The following ELOVL5 variants were observed in gnomAD, a reference collection of about 807,000 sequenced individuals.
The protein encoded by ELOVL5 is very long chain fatty acid elongase 5.
ELOVL5 carries 8 observed loss-of-function variants against 38.6 expected under a neutral mutation model. The observed-to-expected ratio is 0.21, with a 90% CI of 0.12 to 0.37. ELOVL5 has a LOEUF of 0.37. Ranked by LOEUF, ELOVL5 falls within the 10% of genes least tolerant of loss-of-function variation. ELOVL5 has a pLI of 1.00. For missense variants in ELOVL5, 280 were observed against 367.8 expected, an observed-to-expected ratio of 0.76 and a Z score of 1.95; for synonymous variants, 127 against 133.7, an observed-to-expected ratio of 0.95 and a Z score of 0.34.
chr6:53,320,544 C>G (rs896630790), intron 1 of ELOVL5, among the ~76,000 whole-genome samples: 2 of 151,900 alleles, frequency 1.3e-5, no homozygotes, highest in Non-Finnish European at 2.9e-5. Context: ...ACCATGGTCT[C>G]GATCTCCTGA....
intron 3 of ELOVL5, among the ~76,000 whole-genome samples, chr6:53,286,381 C>T (rs540581565): frequency 2.6e-5 from 4 of 152,034 alleles, no homozygotes; most frequent in Non-Finnish European, 4.4e-5. Flanking sequence ...CAGGCAACAC[C>T]GTGAGACAAT....
chr6:53,270,611 G>A lies in ELOVL5; in HGVS notation c.738C>T (p.Phe246=), dbSNP rs760178808. The A allele has an allele frequency of 1.2e-6, 2 of 1,614,172 alleles. No homozygotes were observed. Among genetic ancestry groups the A allele is most frequent in the South Asian group, 2.2e-5 (2 of 91,084 alleles). The change falls in exon 7 of 8, where the codon TTC becomes TTT. Residue 246 remains phenylalanine (F), a synonymous_variant. Coordinates refer to ENST00000304434, the MANE Select transcript of ELOVL5 (RefSeq NM_021814.5). ...IGYMISLIAL[F]TNFYIQTYNK... ...GATTTACCTGAATGTAGAAGTTTGT[G>A]AAGAGAGCAATCAGGGAAATCATGT... is the stretch of plus-strand genomic sequence containing the variant.
intron 1 of ELOVL5, among the ~76,000 whole-genome samples, chr6:53,319,296 A>G (rs1242926221): frequency 1.0e-3 from 48 of 47,844 alleles, no homozygotes; most frequent in Middle Eastern, 9.6e-3. Context: ...AAAAAAAAAA[A>G]AAAAAAAAAA....
intron 1 of ELOVL5, among the ~76,000 whole-genome samples, chr6:53,344,304 C>G (rs1769449415): frequency 6.6e-6 from 1 of 152,164 alleles, no homozygotes; most frequent in Non-Finnish European, 1.5e-5. Context: ...GTCTTCAAGT[C>G]TTATCCTGGA....
intron 7 of ELOVL5, 22 bp downstream of exon 7, chr6:53,270,571 C>A: frequency 6.2e-7 from 1 of 1,613,130 alleles, no homozygotes; most frequent in Non-Finnish European, 8.5e-7. Context: ...GATTCCAAGT[C>A]CCAGAGAAGG....
chr6:53,270,862 CT>C lies in ELOVL5; in HGVS notation c.622-136del, dbSNP rs374651702. On this transcript the variant is annotated intron_variant, in intron 6 of 7. Transcript: ENST00000304434. Reference sequence around the variant, plus strand: ...ACCCTTGCTGCAGGTACAGCAGTCACTTCATGAACACAACACATACACTATA... The same window carrying C: ...ACCCTTGCTGCAGGTACAGCAGTCACTCATGAACACAACACATACACTATA... 1.4e-4 allele frequency: 123 copies of C among 907,924 alleles called. 2 individuals are homozygous for C. In the African/African-American group the frequency reaches 1.8e-3, roughly 13 times the overall value. 56.2% of individuals were successfully genotyped at this position (907,924 alleles called of 1,614,324 possible). A position where few individuals can be genotyped will look rare whatever the true frequency, so the allele number is the denominator to read the frequency against.
At chr6:53,300,729 C>T (rs1377425771) in intron 1 of ELOVL5, among the ~76,000 whole-genome samples, 1 of 152,046 alleles carries the variant, frequency 6.6e-6, no homozygotes, top group Admixed American at 6.5e-5. Context: ...GGCCTTCTGT[C>T]CTCCACTCCG....
chr6:53,305,951 C>T (rs969684086), intron 1 of ELOVL5, among the ~76,000 whole-genome samples: 38 of 152,034 alleles, frequency 2.5e-4, no homozygotes, highest in African/African-American at 9.1e-4. Context: ...TCTGCAATCC[C>T]GGCACCTCGG....
At chr6:53,305,445 G>C (rs1479214514) in intron 1 of ELOVL5, among the ~76,000 whole-genome samples, 2 of 150,744 alleles carry the variant, frequency 1.3e-5, no homozygotes, top group Admixed American at 6.6e-5. Context: ...CTTCCCAGAC[G>C]GGGTGGCAGC....
chr6:53,324,192 G>A (rs1305657375), intron 1 of ELOVL5, among the ~76,000 whole-genome samples: 4 of 147,376 alleles, frequency 2.7e-5, no homozygotes, highest in Non-Finnish European at 3.0e-5. Flanking sequence ...GGCGGAGGTT[G>A]CAGTGAGCTG....
chr6:53,318,809 C>A (rs1013014877), intron 1 of ELOVL5, among the ~76,000 whole-genome samples: 3 of 152,144 alleles, frequency 2.0e-5, no homozygotes, highest in African/African-American at 7.2e-5. Context: ...CTAAAGCAGT[C>A]ATTTTCCTTT....
chr6:53,284,821 T>C (rs1459354144), intron 3 of ELOVL5, among the ~76,000 whole-genome samples: 1 of 152,156 alleles, frequency 6.6e-6, no homozygotes. Context: ...ATATCTGTTG[T>C]GGCGATCTGT....
chr6:53,340,831 G>A (rs372230988), intron 1 of ELOVL5, among the ~76,000 whole-genome samples: 1 of 152,130 alleles, frequency 6.6e-6, no homozygotes, highest in African/African-American at 2.4e-5. Context: ...TGACTTGTAC[G>A]ACTTGTACAC....
intron 1 of ELOVL5, among the ~76,000 whole-genome samples, chr6:53,319,080 G>A (rs1184348278): frequency 2.6e-5 from 4 of 151,668 alleles, no homozygotes; most frequent in Non-Finnish European, 5.9e-5. Context: ...TCAGGAGATC[G>A]AGACCATGGT....
At chr6:53,347,922 G>A (rs1769634000) in intron 1 of ELOVL5, among the ~76,000 whole-genome samples, 1 of 152,088 alleles carries the variant, frequency 6.6e-6, no homozygotes, top group African/African-American at 2.4e-5. Flanking sequence ...GAGGTGGTGG[G>A]GTGGGAGAGT....
intron 1 of ELOVL5, among the ~76,000 whole-genome samples, chr6:53,348,042 C>G (rs1200041701): frequency 6.7e-6 from 1 of 149,760 alleles, no homozygotes; most frequent in Non-Finnish European, 1.5e-5. Flanking sequence ...CGCGCGCCTC[C>G]CTCGCAGCCA....
chr6:53,290,675 C>T (rs566382024), intron 3 of ELOVL5: 1 of 152,556 alleles, frequency 6.6e-6, no homozygotes, highest in East Asian at 1.9e-4. Context: ...CATGGGAGAA[C>T]AAGACACAGA....
chr6:53,300,738 C>T (rs970575557), intron 1 of ELOVL5, among the ~76,000 whole-genome samples: 4 of 152,110 alleles, frequency 2.6e-5, no homozygotes, highest in African/African-American at 9.7e-5. Context: ...TCCTCCACTC[C>T]GTCTGGTGCC....
intron 4 of ELOVL5, 89 bp from the exon 5 acceptor site, chr6:53,275,350 C>T (rs564188870): frequency 1.6e-5 from 22 of 1,385,134 alleles, no homozygotes; most frequent in African/African-American, 7.2e-5. Context: ...ATCCAAAAAT[C>T]TGATGTCAAC....
Sources: allele counts gnomAD v4.1 joint callset (sites outside exome capture counted in the v4.1 genomes callset), GRCh38; gene constraint gnomAD v4.1.1; transcripts MANE v1.5; gene names NCBI Gene and HGNC (gene_info 2026-07-23, HGNC 2026-07-21).